Variants in C1QTNF3 observed in about 807,000 individuals in gnomAD.
C1QTNF3 encodes complement C1q tumor necrosis factor-related protein 3.
A neutral mutation model predicts 32.6 loss-of-function variants in C1QTNF3; 26 were observed. That is an observed-to-expected ratio of 0.80 (90% confidence interval 0.58 to 1.11). The LOEUF (loss-of-function observed/expected upper bound fraction) is 1.11, where lower values mean the gene tolerates loss of function less well. Ranked by LOEUF, C1QTNF3 falls within the 50% of genes least tolerant of loss-of-function variation. The pLI is 0.00. For missense variants in C1QTNF3, 362 were observed against 398.2 expected, an observed-to-expected ratio of 0.91 and a Z score of 0.77; for synonymous variants, 155 against 146.0, an observed-to-expected ratio of 1.06 and a Z score of -0.44.
intron 4 of C1QTNF3, 189 bp from the exon 5 acceptor site, chr5:34,024,197 T>G (rs1237396521): frequency 1.8e-6 from 1 of 553,550 alleles, no homozygotes; most frequent in Non-Finnish European, 3.3e-6. Context: ...GCTTTCAATG[T>G]GTACACTGTG....
At chr5:34,160,558 G>A in the C1QTNF3 span, among the ~76,000 whole-genome samples, 8 of 152,138 alleles carry the variant, frequency 5.3e-5, no homozygotes, top group Admixed American at 3.3e-4. Flanking sequence ...ATAAGGGGAC[G>A]CAGTGTGGCG....
At chr5:34,169,639 G>A in the C1QTNF3 span, among the ~76,000 whole-genome samples, 1 of 151,974 alleles carries the variant, frequency 6.6e-6, no homozygotes, top group African/African-American at 2.4e-5. Flanking sequence ...TTTGTTTTTA[G>A]TTTGATATAG....
Position 34,042,928 on chromosome 5 carries a change from C to A in C1QTNF3, c.198G>T (p.Gly66=), listed in dbSNP as rs767994826. The A allele has an allele frequency of 6.2e-6, 10 of 1,614,024 alleles. No individual in the cohort carries two copies. The African/African-American group carries it at 1.2e-4, about 19-fold the overall frequency. Residue 66 remains glycine (G), a synonymous_variant, in exon 1 of 6, where the codon GGG becomes GGT. Coordinates refer to ENST00000382065, the MANE Select transcript of C1QTNF3 (RefSeq NM_181435.6). ...CTGTAGAAGTGTTATTATCCACAGT[C>A]CCAGTTTTAGGATGGCTCCGCTCTC... ...KVRERSHPKT[G]TVDNNTSTDL...
At chr5:34,213,772 TACGTGTATATATAC>T in the C1QTNF3 span, among the ~76,000 whole-genome samples, 8 of 58,394 alleles carry the variant, frequency 1.4e-4, no homozygotes, top group Non-Finnish European at 3.6e-5. Context: ...CACACACACA[TACGTGTATATATAC>T]ATATATATAT....
chr5:34,091,416 A>G, the C1QTNF3 span, among the ~76,000 whole-genome samples: 1 of 152,164 alleles, frequency 6.6e-6, no homozygotes, highest in Non-Finnish European at 1.5e-5. Context: ...GACCACCACC[A>G]CTACTAGTTC....
At chr5:34,123,020 C>A in the C1QTNF3 span, among the ~76,000 whole-genome samples, 1 of 151,004 alleles carries the variant, frequency 6.6e-6, no homozygotes. Flanking sequence ...TCAGTCACCC[C>A]ACCAGTGAAA....
the C1QTNF3 span, among the ~76,000 whole-genome samples, chr5:34,207,164 G>T: frequency 6.6e-6 from 1 of 152,058 alleles, no homozygotes; most frequent in South Asian, 2.1e-4. Flanking sequence ...TTGATGGGTA[G>T]TCGGTGGAAG....
the C1QTNF3 span, among the ~76,000 whole-genome samples, chr5:34,116,453 A>G: frequency 2.0e-5 from 3 of 151,180 alleles, no homozygotes; most frequent in Non-Finnish European, 2.9e-5. Flanking sequence ...TGAATTGTCT[A>G]TTCTTTCCTT....
At chr5:34,142,407 G>A in the C1QTNF3 span, among the ~76,000 whole-genome samples, 7 of 150,226 alleles carry the variant, frequency 4.7e-5, no homozygotes, top group Non-Finnish European at 8.9e-5. Context: ...ACTCCAGCCT[G>A]GGTGACAGAG....
chr5:34,103,624 G>C, the C1QTNF3 span, among the ~76,000 whole-genome samples: 56,523 of 95,684 alleles, frequency 0.59, 17,824 homozygotes, highest in African/African-American at 0.73. Flanking sequence ...TTGTGACCAG[G>C]CTGGCCAACA....
chr5:34,244,353 G>C, the C1QTNF3 span, among the ~76,000 whole-genome samples: 1 of 152,184 alleles, frequency 6.6e-6, no homozygotes, highest in Non-Finnish European at 1.5e-5. Flanking sequence ...GCAGCAGCAA[G>C]ATTGCAAAGA....
chr5:34,066,570 G>C, the C1QTNF3 span, among the ~76,000 whole-genome samples: 1 of 152,046 alleles, frequency 6.6e-6, no homozygotes, highest in East Asian at 1.9e-4. Flanking sequence ...ACAGATGGCA[G>C]TAAGAAAATG....
At chr5:34,042,750 GAAC>G (rs984690475) in intron 1 of C1QTNF3, 70 bp downstream of exon 1, 15 of 1,426,864 alleles carry the variant, frequency 1.1e-5, no homozygotes, top group Admixed American at 4.4e-5. Flanking sequence ...GCCAAAAAAA[GAAC>G]AACAACAAAA....
At chr5:34,096,678 T>C in the C1QTNF3 span, among the ~76,000 whole-genome samples, 2 of 147,178 alleles carry the variant, frequency 1.4e-5, no homozygotes, top group African/African-American at 5.0e-5. Flanking sequence ...AAAAGATAGA[T>C]GGGAAAAATT....
intron 3 of C1QTNF3, chr5:34,033,064 A>G: frequency 2.3e-6 from 1 of 443,484 alleles, no homozygotes; most frequent in Non-Finnish European, 4.0e-6. Flanking sequence ...ATTTGGTTCT[A>G]TGAGGGACTT....
At chr5:34,170,487 T>C in the C1QTNF3 span, among the ~76,000 whole-genome samples, 1 of 152,134 alleles carries the variant, frequency 6.6e-6, no homozygotes, top group African/African-American at 2.4e-5. Flanking sequence ...GCGTCTTGGA[T>C]ATGTTTATGT....
chr5:34,058,527 C>G, the C1QTNF3 span, among the ~76,000 whole-genome samples: 1 of 152,160 alleles, frequency 6.6e-6, no homozygotes, highest in Non-Finnish European at 1.5e-5. Flanking sequence ...ATGTCATTCT[C>G]CTCAAAATGT....
At chr5:34,098,768 T>C in the C1QTNF3 span, among the ~76,000 whole-genome samples, 2 of 152,020 alleles carry the variant, frequency 1.3e-5, no homozygotes, top group African/African-American at 4.8e-5. Flanking sequence ...GTTTCACTAT[T>C]ACTTGGTTTA....
chr5:34,118,050 T>C, the C1QTNF3 span, among the ~76,000 whole-genome samples: 1 of 152,146 alleles, frequency 6.6e-6, no homozygotes, highest in Admixed American at 6.5e-5. Flanking sequence ...ATCTGCATAA[T>C]TATCTTTACC....
Sources: allele counts gnomAD v4.1 joint callset (sites outside exome capture counted in the v4.1 genomes callset), GRCh38; gene constraint gnomAD v4.1.1; transcripts MANE v1.5; gene names NCBI Gene and HGNC (gene_info 2026-07-23, HGNC 2026-07-21).